Variants in METTL15 observed in about 807,000 individuals in gnomAD.
The protein encoded by METTL15 is methyltransferase 15, mitochondrial 12S rRNA N4-cytidine, also known as 12S rRNA N(4)-cytidine methyltransferase METTL15.
A neutral mutation model predicts 38.3 loss-of-function variants in METTL15; 34 were observed. That is an observed-to-expected ratio of 0.89 (90% CI 0.68 to 1.18). The LOEUF (loss-of-function observed/expected upper bound fraction) is 1.18, where lower values mean the gene tolerates loss of function less well. METTL15 is among the 50% of genes most tolerant of loss of function. The pLI, the probability that METTL15 is intolerant of heterozygous loss-of-function variation, is 0.00. For synonymous variants in METTL15, 162 were observed against 170.9 expected, an observed-to-expected ratio of 0.95 and a Z score of 0.41; for missense variants, 438 against 498.4, an observed-to-expected ratio of 0.88 and a Z score of 1.15.
At chr11:28,337,624 C>G (rs561840923), downstream of METTL15, among the ~76,000 whole-genome samples, 1 of 152,218 alleles carries the variant, frequency 6.6e-6, no homozygotes, top group East Asian at 1.9e-4. Flanking sequence ...CTCACTGACT[C>G]AAAGCAACTT....
intron 3 of METTL15, among the ~76,000 whole-genome samples, chr11:28,210,529 G>C (rs1476444800): frequency 6.6e-6 from 1 of 151,642 alleles, no homozygotes; most frequent in Non-Finnish European, 1.5e-5. Context: ...TATTATTACA[G>C]ATACAATCTG....
At chr11:28,361,473 A>G (rs964645974) in intron 4 of METTL15, among the ~76,000 whole-genome samples, 7 of 152,194 alleles carry the variant, frequency 4.6e-5, no homozygotes, top group Non-Finnish European at 5.9e-5. Flanking sequence ...TTTCTGATAC[A>G]TCACAGAAAT....
chr11:28,141,019 C>G (rs1849681495), intron 3 of METTL15, among the ~76,000 whole-genome samples: 1 of 152,148 alleles, frequency 6.6e-6, no homozygotes, highest in Non-Finnish European at 1.5e-5. Flanking sequence ...GCCCGATGCC[C>G]AGAAAGTTAA....
chr11:28,197,436 T>A (rs1851950308), intron 3 of METTL15: 1 of 347,958 alleles, frequency 2.9e-6, no homozygotes, highest in African/African-American at 2.1e-5. Context: ...CACTACTTTT[T>A]TCAGATTTTG....
intron 6 of METTL15, among the ~76,000 whole-genome samples, chr11:28,425,591 C>A (rs1200986088): frequency 6.6e-6 from 1 of 152,164 alleles, no homozygotes; most frequent in African/African-American, 2.4e-5. Flanking sequence ...ATCACTTCAC[C>A]TAAGCGGCCT....
At chr11:28,296,369 G>A (rs1352303560) in intron 5 of METTL15, among the ~76,000 whole-genome samples, 1 of 152,040 alleles carries the variant, frequency 6.6e-6, no homozygotes, top group African/African-American at 2.4e-5. Flanking sequence ...AGCAAACCTT[G>A]TATCTTCCAT....
chr11:28,178,587 G>T (rs1030959326), intron 3 of METTL15, among the ~76,000 whole-genome samples: 2 of 151,246 alleles, frequency 1.3e-5, no homozygotes, highest in Non-Finnish European at 3.0e-5. Flanking sequence ...TAATAGTCTG[G>T]TTTTTTTTGG....
At chr11:28,299,177 A>G (rs748363820) in intron 6 of METTL15, among the ~76,000 whole-genome samples, 1 of 152,140 alleles carries the variant, frequency 6.6e-6, no homozygotes, top group Non-Finnish European at 1.5e-5. Context: ...TTTTAATTGC[A>G]GTTCCATGAA....
intron 6 of METTL15, among the ~76,000 whole-genome samples, chr11:28,453,461 T>A (rs563960302): frequency 1.4e-4 from 22 of 152,346 alleles, no homozygotes; most frequent in African/African-American, 5.3e-4. Flanking sequence ...GCCAGACACT[T>A]GAGTTAGATG....
chr11:28,198,645 A>G (rs1686876164), intron 3 of METTL15, among the ~76,000 whole-genome samples: 1 of 152,168 alleles, frequency 6.6e-6, no homozygotes, highest in Non-Finnish European at 1.5e-5. Flanking sequence ...AATAGTTACC[A>G]ATAAAACAAA....
intron 4 of METTL15, among the ~76,000 whole-genome samples, chr11:28,227,492 C>T (rs1853529114): frequency 6.6e-6 from 1 of 151,600 alleles, no homozygotes; most frequent in Non-Finnish European, 1.5e-5. Flanking sequence ...GAGGGCTATT[C>T]TGGCAAGAGA....
intron 6 of METTL15, among the ~76,000 whole-genome samples, chr11:28,451,645 G>A (rs1001436926): frequency 1.3e-5 from 2 of 152,086 alleles, no homozygotes; most frequent in Non-Finnish European, 2.9e-5. Context: ...GATTTGGCAT[G>A]GTAAATAAGG....
chr11:28,279,910 AAAAC>A (rs1365386856), intron 4 of METTL15, among the ~76,000 whole-genome samples: 1 of 146,346 alleles, frequency 6.8e-6, no homozygotes, highest in African/African-American at 2.5e-5. Context: ...AAAACAAAAC[AAAAC>A]AAAAAAAAAA....
At chr11:28,455,615 C>G (rs1324385835) in intron 6 of METTL15, among the ~76,000 whole-genome samples, 1 of 152,214 alleles carries the variant, frequency 6.6e-6, no homozygotes, top group African/African-American at 2.4e-5. Flanking sequence ...CTAACACATT[C>G]CTTTTGCAAT....
intron 5 of METTL15, among the ~76,000 whole-genome samples, chr11:28,413,109 A>T (rs1850742922): frequency 6.6e-6 from 1 of 152,110 alleles, no homozygotes; most frequent in African/African-American, 2.4e-5. Flanking sequence ...AGACAAAAAA[A>T]TACTACTAAA....
downstream of METTL15, among the ~76,000 whole-genome samples, chr11:28,335,882 C>T (rs1203141261): frequency 1.3e-5 from 2 of 152,144 alleles, no homozygotes; most frequent in African/African-American, 2.4e-5. Flanking sequence ...TTATAAATTA[C>T]CCAGCCTTGG....
intron 6 of METTL15, among the ~76,000 whole-genome samples, chr11:28,425,698 C>T (rs1307234696): frequency 1.3e-5 from 2 of 152,174 alleles, no homozygotes; most frequent in African/African-American, 4.8e-5. Context: ...ACCTTTAATG[C>T]ATCGTATATG....
chr11:28,142,212 T>C (rs1464291816), intron 3 of METTL15, among the ~76,000 whole-genome samples: 1 of 152,184 alleles, frequency 6.6e-6, no homozygotes, highest in African/African-American at 2.4e-5. Flanking sequence ...GAATGAGTGT[T>C]ACAGTGAGTG....
intron 5 of METTL15, among the ~76,000 whole-genome samples, chr11:28,421,436 T>C (rs1850819504): frequency 6.6e-6 from 1 of 152,042 alleles, no homozygotes; most frequent in Non-Finnish European, 1.5e-5. Flanking sequence ...ATATCTCTGA[T>C]GCATATTAAT....
Sources: gnomAD v4.1 joint callset for allele counts (sites outside exome capture counted in the v4.1 genomes callset) on GRCh38, gnomAD v4.1.1 for gene constraint, MANE v1.5 for transcripts, NCBI Gene and HGNC (gene_info 2026-07-23, HGNC 2026-07-21) for gene names.